The following DDX17 variants were observed in gnomAD, a reference collection of about 807,000 sequenced individuals.
DDX17 encodes the protein probable ATP-dependent RNA helicase DDX17.
A neutral mutation model predicts 80.8 loss-of-function variants in DDX17; 10 were observed. The ratio of observed to expected loss-of-function variants is 0.12; its 90% CI spans 0.08 to 0.21. The LOEUF (loss-of-function observed/expected upper bound fraction) is 0.21. DDX17 is among the 10% of genes least tolerant of loss of function. The probability of loss-of-function intolerance (pLI) is 1.00; values close to 1 mark genes in which losing one functional copy is unlikely to be tolerated. For missense variants in DDX17, 586 were observed against 957.4 expected, an observed-to-expected ratio of 0.61 and a Z score of 5.12; for synonymous variants, 339 against 336.2, an observed-to-expected ratio of 1.01 and a Z score of -0.09.
rs530696971 is a variant in DDX17 at position 38,501,074 on chromosome 22, C to T, written c.438+56G>A. 9 of 1,569,054 alleles carry T rather than the reference C, an allele frequency of 5.7e-6. No individual in the cohort carries two copies. The Admixed American group carries it at 1.6e-4, about 28-fold the overall frequency. On this transcript the variant is annotated intron_variant, in intron 2 of 12. Coordinates refer to ENST00000403230, the MANE Select transcript of DDX17 (RefSeq NM_006386.5). ...ACAGTAGCGTATGAATAAACTCTAA[C>T]CAATATATCTACTTGGTTCAATAAT...
intron 12 of DDX17, 58 bp from the exon 13 acceptor site, chr22:38,486,498 T>C (rs1174555635): frequency 2.7e-6 from 4 of 1,477,714 alleles, no homozygotes; most frequent in African/African-American, 2.8e-5. Context: ...AACATAACAA[T>C]GTAAAAATTC....
Position 38,484,448 on chromosome 22 carries a change from G to C in DDX17, c.*1487C>G, listed in dbSNP as rs1271877825. 6.6e-6 allele frequency: 1 copy of C among 152,300 alleles called. No individual in the cohort carries two copies. Among genetic ancestry groups the C allele is most frequent in the East Asian group, 1.9e-4 (1 of 5,188 alleles). The allele number at this position is 152,300 out of a possible 1,614,324, so 9.4% of individuals were successfully genotyped here. A position where few individuals can be genotyped will look rare whatever the true frequency, so the allele number is the denominator to read the frequency against. The stretch of plus-strand genomic sequence containing the variant: ...AAAGGAAAACAAAACCTCGAGTATA[G>C]ATCTTACAGATGAGCAAGCATTCAG... On this transcript the variant is annotated 3_prime_UTR_variant, in exon 13 of 13. Transcript: ENST00000403230.
At chr22:38,501,352 C>T in intron 1 of DDX17, 72 bp from the exon 2 acceptor site, 3 of 1,505,540 alleles carry the variant, frequency 2.0e-6, no homozygotes, top group Non-Finnish European at 2.7e-6. Flanking sequence ...TAAGAATATT[C>T]AAAAAGGATG....
intron 12 of DDX17, 129 bp downstream of exon 12, chr22:38,487,750 T>C: frequency 1.1e-6 from 1 of 877,366 alleles, no homozygotes; most frequent in Non-Finnish European, 1.8e-6. Flanking sequence ...ATAAAAAGCA[T>C]TAGGCAGTGT....
intron 2 of DDX17, 103 bp from the exon 3 acceptor site, chr22:38,499,602 G>T: frequency 1.1e-6 from 1 of 876,038 alleles, no homozygotes; most frequent in Non-Finnish European, 1.9e-6. Flanking sequence ...AGCTATGTTG[G>T]CAAATATTTA....
chr22:38,503,832 C>T (rs1363516526), intron 1 of DDX17, among the ~76,000 whole-genome samples: 1 of 152,220 alleles, frequency 6.6e-6, no homozygotes, highest in South Asian at 2.1e-4. Flanking sequence ...AAAATAACCA[C>T]CACTTCAACT....
chr22:38,505,520 C>G (rs2089871636), intron 1 of DDX17: 1 of 169,508 alleles, frequency 5.9e-6, no homozygotes, highest in Non-Finnish European at 1.3e-5. Flanking sequence ...TAAGGCTTTC[C>G]TGGGCTGAAG....
intron 8 of DDX17, chr22:38,494,381 A>C: frequency 1.7e-6 from 1 of 597,146 alleles, no homozygotes; most frequent in Non-Finnish European, 2.9e-6. Context: ...TGCAGCACCA[A>C]GACACAAAAT....
At chr22:38,504,576 C>T (rs2089861232) in intron 1 of DDX17, among the ~76,000 whole-genome samples, 2 of 152,202 alleles carry the variant, frequency 1.3e-5, no homozygotes, top group South Asian at 4.1e-4. Flanking sequence ...AAACATTCCA[C>T]CTCTCATCCT....
In DDX17 at chr22:38,501,280, T is replaced by C. The variant is rs781650280; in HGVS notation, c.288A>G (p.Gly96=). 2 of 1,603,714 alleles carry C rather than the reference T, an allele frequency of 1.2e-6. No individual in the cohort carries two copies. The highest frequency in any genetic ancestry group is 8.5e-7 in the Non-Finnish European group (1 of 1,176,232). ...GGCCACCACCACCTCTTGCTCCAAATCTAGGAACAGAATTTTTAGTTAGTT... is the reference window on the plus strand; with the variant it reads ...GGCCACCACCACCTCTTGCTCCAAACCTAGGAACAGAATTTTTAGTTAGTT... Residue 96 remains glycine (G), a splice_region_variant and synonymous_variant, in exon 2 of 13, where the codon GGA becomes GGG. Transcript: ENST00000403230.
At position 38,505,977 on chromosome 22, in the gene DDX17, G is replaced by A; in HGVS notation, c.261C>T (p.Asp87=). The A allele has an allele frequency of 6.3e-7, 1 of 1,591,256 alleles. No individual in the cohort carries two copies. Among genetic ancestry groups the A allele is most frequent in the Non-Finnish European group, 8.6e-7 (1 of 1,169,288 alleles). ...CTCCACGGTCACGATCCCGGTCCCG[G>A]TCCCCAAAGCCTCCTCCGCGCATGG... Residue 87 remains aspartate (D), a synonymous_variant, in exon 1 of 13, where the codon GAC becomes GAT. Coordinates refer to ENST00000403230, the MANE Select transcript of DDX17 (RefSeq NM_006386.5).
Position 38,492,980 on chromosome 22 carries a change from T to C in DDX17, c.1387+730A>G, listed in dbSNP as rs753798408. On this transcript the variant is annotated intron_variant, in intron 10 of 12. Coordinates refer to ENST00000403230, the MANE Select transcript of DDX17 (RefSeq NM_006386.5). ...TATTTTTATAATCAGAAGGAAAAAATTGAAGACTTTATTAATAAAGGGAGG... is the reference window on the plus strand; with the variant it reads ...TATTTTTATAATCAGAAGGAAAAAACTGAAGACTTTATTAATAAAGGGAGG... Among the ~76,000 whole-genome samples, 15 of 152,240 alleles carry C rather than the reference T, an allele frequency of 9.9e-5. 1 individual carries two copies. In the Middle Eastern group the frequency reaches 0.01, roughly 104 times the overall value.
At chr22:38,486,554 T>C (rs1314876591) in intron 12 of DDX17, 114 bp from the exon 13 acceptor site, 1 of 1,404,308 alleles carries the variant, frequency 7.1e-7, no homozygotes, top group Non-Finnish European at 9.4e-7. Flanking sequence ...TATTTAGTTA[T>C]GCTGGCCAGC....
chr22:38,486,747 T>C (rs904952616), intron 12 of DDX17, among the ~76,000 whole-genome samples: 12 of 152,210 alleles, frequency 7.9e-5, no homozygotes, highest in Non-Finnish European at 1.8e-4. Flanking sequence ...GATCCTAGGA[T>C]ATTCTGCAAC....
In DDX17 at chr22:38,496,593, G is replaced by A. The variant is rs1163688885; in HGVS notation, c.739-656C>T. 3.9e-5 allele frequency among the ~76,000 whole-genome samples: 6 copies of A among 152,224 alleles called. No homozygotes were observed. In the South Asian group the frequency reaches 8.3e-4, roughly 21 times the overall value. ...TCGAACTCCTGACTTCATGTGATCTGCCCACTTTGGCCTCCCAAAGTGCTG... is the reference window on the plus strand; with the variant it reads ...TCGAACTCCTGACTTCATGTGATCTACCCACTTTGGCCTCCCAAAGTGCTG... On this transcript the variant is annotated intron_variant, in intron 5 of 12. Coordinates refer to ENST00000403230, the MANE Select transcript of DDX17 (RefSeq NM_006386.5).
chr22:38,493,853 A>C, intron 9 of DDX17, 82 bp from the exon 10 acceptor site: 1 of 1,435,746 alleles, frequency 7.0e-7, no homozygotes. Context: ...GCTATCATGC[A>C]ATTTTTGTAA....
Position 38,506,294 on chromosome 22 carries a change from G to A in DDX17, c.-57C>T. ...GGTTTAGGCGTCTCCTTCCTTCCCA[G>A]CGACTGCACAAAATGGCGGCCGCCG... On this transcript the variant is annotated 5_prime_UTR_variant, in exon 1 of 13. Coordinates refer to ENST00000403230, the MANE Select transcript of DDX17 (RefSeq NM_006386.5). 6.7e-7 allele frequency: 1 copy of A among 1,497,108 alleles called. No homozygotes were observed. The highest frequency in any genetic ancestry group is 1.3e-5 in the South Asian group (1 of 77,268). 92.7% of individuals were successfully genotyped at this position (1,497,108 alleles called of 1,614,324 possible). A position where few individuals can be genotyped will look rare whatever the true frequency, so the allele number is the denominator to read the frequency against.
chr22:38,497,619 C>CAAAAA lies in DDX17; in HGVS notation c.738+461_738+465dup, dbSNP rs138449. 5.1e-4 allele frequency among the ~76,000 whole-genome samples: 38 copies of CAAAAA among 74,852 alleles called. 3 individuals carry two copies. The highest frequency in any genetic ancestry group is 1.7e-3 in the South Asian group (3 of 1,726). The allele number at this position is 74,852 out of a possible 152,430, so 49.1% of individuals were successfully genotyped here. On this transcript the variant is annotated intron_variant, in intron 5 of 12. Transcript: ENST00000403230. ...GGCAACAAGAGTGAGAATATATCTC[C>CAAAAA]AAAAAAAAAAAAAAAAAAGAAAGAA...
At chr22:38,496,310 AG>A (rs1207015006) in intron 5 of DDX17, among the ~76,000 whole-genome samples, 1 of 152,204 alleles carries the variant, frequency 6.6e-6, no homozygotes, top group Non-Finnish European at 1.5e-5. Flanking sequence ...TGCTCCAGCA[AG>A]CATTTACTTT....
Sources: allele counts gnomAD v4.1 joint callset (sites outside exome capture counted in the v4.1 genomes callset), GRCh38; gene constraint gnomAD v4.1.1; transcripts MANE v1.5; gene names NCBI Gene and HGNC (gene_info 2026-07-23, HGNC 2026-07-21).